The following TRIP11 variants were observed in gnomAD, a reference collection of about 807,000 sequenced individuals.
TRIP11 encodes the protein thyroid receptor-interacting protein 11.
TRIP11 carries 148 observed loss-of-function variants against 223.1 expected under a neutral mutation model. That is an observed-to-expected ratio of 0.66 (90% confidence interval 0.58 to 0.76). The LOEUF is 0.76. Among genes scored for constraint, TRIP11 ranks in the 30% least tolerant of loss-of-function variants. The pLI is 0.00. For missense variants in TRIP11, 2,043 were observed against 2,222.0 expected (o/e 0.92, Z 1.62); for synonymous variants, 762 against 772.6 (o/e 0.99, Z 0.23).
Position 92,015,753 on chromosome 14 carries a change from C to T in TRIP11, c.766G>A (p.Glu256Lys). ...CGTTCTTCATAGTCACTTAATTCTTCTCGATGTCGTCGACTTATTTCTGTC... is the reference window on the plus strand; with the variant it reads ...CGTTCTTCATAGTCACTTAATTCTTTTCGATGTCGTCGACTTATTTCTGTC... ...KLTEISRRHR[E>K]ELSDYEERIE... Residue 256 changes from glutamate to lysine, a missense_variant, in exon 6 of 21, where the codon GAA becomes AAA. By Grantham distance (56) the Glu-to-Lys change is moderately conservative (BLOSUM62 1). Transcript: ENST00000267622. 6.2e-7 allele frequency: 1 copy of T among 1,613,486 alleles called. No homozygotes were observed. Among genetic ancestry groups the T allele is most frequent in the Non-Finnish European group, 8.5e-7 (1 of 1,179,782 alleles).
chr14:91,981,385 T>C (rs2056542507), intron 16 of TRIP11, among the ~76,000 whole-genome samples: 1 of 145,780 alleles, frequency 6.9e-6, no homozygotes, highest in Admixed American at 6.7e-5. Flanking sequence ...GCATCTGTTT[T>C]GTCTTTTTTG....
At chr14:92,032,832 CAA>C (rs200430285) in intron 2 of TRIP11, among the ~76,000 whole-genome samples, 2,311 of 75,266 alleles carry the variant, frequency 0.031, 60 homozygotes, top group African/African-American at 0.083. Context: ...GACCCCGTTT[CAA>C]AAAAAAAAAA....
chr14:92,007,902 C>G (rs779232261), intron 9 of TRIP11, 50 bp from the exon 10 acceptor site: 5 of 1,454,882 alleles, frequency 3.4e-6, no homozygotes, highest in Non-Finnish European at 3.8e-6. Context: ...TTGGAGACAC[C>G]AAAAGATTAA....
At chr14:91,988,197 C>G in intron 16 of TRIP11, 87 bp downstream of exon 16, 1 of 1,088,760 alleles carries the variant, frequency 9.2e-7, no homozygotes, top group Non-Finnish European at 1.4e-6. Flanking sequence ...GTTGGTCTCA[C>G]TCAACTATGC....
rs138601782 is a variant in TRIP11, at chr14:91,984,317, C to CTTT, written c.5260+3964_5260+3966dup. On this transcript the variant is annotated intron_variant, in intron 16 of 20. Transcript: ENST00000267622. ...TTTATCCAATCATTTTTTTTCTTTTCTTTTTTTTTTTTTTTTGGGACCAAG... is the reference window on the plus strand; with the variant it reads ...TTTATCCAATCATTTTTTTTCTTTTCTTTTTTTTTTTTTTTTTTTGGGACCAAG... 6.4e-4 allele frequency among the ~76,000 whole-genome samples: 82 copies of CTTT among 127,904 alleles called. 1 individual carries two copies. Among genetic ancestry groups the CTTT allele is most frequent in the African/African-American group, 1.1e-3 (37 of 33,562 alleles). 83.9% of individuals were successfully genotyped at this position (127,904 alleles called of 152,430 possible).
At chr14:92,021,511 A>G in intron 4 of TRIP11, 45 bp downstream of exon 4, 5 of 1,602,706 alleles carry the variant, frequency 3.1e-6, no homozygotes, top group Non-Finnish European at 4.3e-6. Flanking sequence ...TTACACCAGT[A>G]ATTTTACTCA....
intron 16 of TRIP11, among the ~76,000 whole-genome samples, chr14:91,979,710 A>C (rs1303709148): frequency 6.6e-6 from 1 of 152,164 alleles, no homozygotes; most frequent in Non-Finnish European, 1.5e-5. Flanking sequence ...GATGGTATTA[A>C]CTATGAGGGG....
At position 92,015,872 on chromosome 14, in the gene TRIP11, A is replaced by G; in HGVS notation, c.658-11T>C. ...GTTCTGTTTTAGTTCCTTAAAAAAT[A>G]AAAACAAAGTTATTCACATTTATAA... is the stretch of plus-strand genomic sequence containing the variant. On this transcript the variant is annotated splice_polypyrimidine_tract_variant and intron_variant, in intron 5 of 20. Coordinates refer to ENST00000267622, the MANE Select transcript of TRIP11 (RefSeq NM_004239.4). 6.2e-7 allele frequency: 1 copy of G among 1,601,196 alleles called. No individual in the cohort carries two copies. Among genetic ancestry groups the G allele is most frequent in the South Asian group, 1.1e-5 (1 of 90,130 alleles).
rs139955678 is a variant in TRIP11 at position 92,031,468 on chromosome 14, T to C, written c.201+1724A>G. Among the ~76,000 whole-genome samples, 1,025 of 152,244 alleles carry C rather than the reference T, an allele frequency of 6.7e-3. 11 individuals carry two copies. Among genetic ancestry groups the C allele is most frequent in the African/African-American group, 0.023 (961 of 41,558 alleles). The stretch of plus-strand genomic sequence containing the variant: ...GTTGCATGCCTGTGGTACCAGCTAC[T>C]CAAGAGGCTGAAGCAGAAGGATCAC... On this transcript the variant is annotated intron_variant, in intron 2 of 20. Transcript: ENST00000267622.
rs2057164062 is a variant in TRIP11 at position 92,025,057 on chromosome 14, TTTC to T, written c.312+250_312+252del. ...CTAAAGATATTTTATACAAAAACTT[TTTC>T]TTCTTCTTTGGAAAGAAAAAAATTA... On this transcript the variant is annotated intron_variant, in intron 3 of 20. Coordinates refer to ENST00000267622, the MANE Select transcript of TRIP11 (RefSeq NM_004239.4). Among the ~76,000 whole-genome samples, 3 of 152,294 alleles carry T rather than the reference TTTC, an allele frequency of 2.0e-5. No individual in the cohort carries two copies. The South Asian group carries it at 6.2e-4, about 32-fold the overall frequency.
intron 4 of TRIP11, among the ~76,000 whole-genome samples, chr14:92,020,059 G>C (rs2057090781): frequency 6.6e-6 from 1 of 151,932 alleles, no homozygotes; most frequent in Non-Finnish European, 1.5e-5. Flanking sequence ...ACCAGCCTGG[G>C]TAACATGGTG....
At position 92,004,769 on chromosome 14, in the gene TRIP11, T is replaced by C; in HGVS notation, c.3207A>G (p.Gln1069=). 1 of 1,614,174 alleles carries C rather than the reference T, an allele frequency of 6.2e-7. No individual in the cohort carries two copies. The highest frequency in any genetic ancestry group is 8.5e-7 in the Non-Finnish European group (1 of 1,180,020). ...QIIQQKDLEI[Q]ALHARISSTS... ...TTGAAGAAATTCTAGCATGAAGAGCTTGTATCTCCAAATCTTTCTGCTGAA... is the reference window on the plus strand; with the variant it reads ...TTGAAGAAATTCTAGCATGAAGAGCCTGTATCTCCAAATCTTTCTGCTGAA... The change falls in exon 11 of 21, where the codon CAA becomes CAG. Residue 1069 remains glutamine, a synonymous_variant. Transcript: ENST00000267622.
chr14:92,012,494 C>T (rs2056984871), intron 7 of TRIP11, among the ~76,000 whole-genome samples: 1 of 152,134 alleles, frequency 6.6e-6, no homozygotes, highest in Admixed American at 6.5e-5. Context: ...AGAGCAAGCA[C>T]GAGGTGCTAT....
Position 92,033,203 on chromosome 14 carries a change from A to T in TRIP11, c.190T>A (p.Leu64Met). 1.2e-6 allele frequency: 2 copies of T among 1,613,220 alleles called. No individual in the cohort carries two copies. Among genetic ancestry groups the T allele is most frequent in the Non-Finnish European group, 1.7e-6 (2 of 1,179,446 alleles). The change falls in exon 2 of 21, where the codon TTG (leucine) becomes ATG (methionine). Residue 64 changes from leucine to methionine, a missense_variant. By Grantham distance (15) the Leu-to-Met change is conservative. Coordinates refer to ENST00000267622, the MANE Select transcript of TRIP11 (RefSeq NM_004239.4). ...TKEIEAIHAI[L>M]RSENERLKKL... ...TTGATTTTTCTTACCTCTGATCTCA[A>T]GATTGCATGAATGGCTTCAATTTCC... is the stretch of plus-strand genomic sequence containing the variant.
intron 1 of TRIP11, among the ~76,000 whole-genome samples, chr14:92,033,556 C>T (rs577571567): frequency 6.6e-6 from 1 of 152,242 alleles, no homozygotes; most frequent in South Asian, 2.1e-4. Flanking sequence ...AAAACTATTT[C>T]TCTGTGGGCT....
chr14:92,027,815 TG>T (rs1566873786), intron 2 of TRIP11, among the ~76,000 whole-genome samples: 1 of 152,344 alleles, frequency 6.6e-6, no homozygotes, highest in East Asian at 1.9e-4. Flanking sequence ...GAACTTCTGA[TG>T]TCAACAGATG....
At chr14:92,039,494 G>T in intron 1 of TRIP11, 53 bp downstream of exon 1, 1 of 1,598,736 alleles carries the variant, frequency 6.3e-7, no homozygotes, top group South Asian at 1.1e-5. Context: ...GGGACCAAAC[G>T]GACGTTCCCA....
In TRIP11 at chr14:92,006,031, C is replaced by T; in HGVS notation, c.1945G>A (p.Ala649Thr). ...TTTTGCTTTAAGTTTCTAACTTCAG[C>T]TTCTCTTTCTTTAAGTAAGGTATCC... ...FKDTLLKERE[A>T]EVRNLKQNLS... is the part of the protein sequence containing the mutation. Residue 649 changes from alanine to threonine, a missense_variant, in exon 11 of 21, where the codon GCT becomes ACT. By Grantham distance (58) the Ala-to-Thr change is moderately conservative. Transcript: ENST00000267622. 1.3e-6 allele frequency: 2 copies of T among 1,584,682 alleles called. No homozygotes were observed. Among genetic ancestry groups the T allele is most frequent in the Non-Finnish European group, 8.5e-7 (1 of 1,169,968 alleles).
At chr14:91,970,022 T>C in intron 20 of TRIP11, 129 bp from the exon 21 acceptor site, 1 of 964,264 alleles carries the variant, frequency 1.0e-6, no homozygotes, top group Non-Finnish European at 1.5e-6. Flanking sequence ...TAAATAAAAA[T>C]AATCAATGTA....
Sources: gnomAD v4.1 joint callset for allele counts (sites outside exome capture counted in the v4.1 genomes callset) on GRCh38, gnomAD v4.1.1 for gene constraint, MANE v1.5 for transcripts, NCBI Gene and HGNC (gene_info 2026-07-23, HGNC 2026-07-21) for gene names.